PLXNA4: variants seen among roughly 807,000 people sequenced by gnomAD.
PLXNA4 encodes the protein plexin-A4.
A neutral mutation model predicts 191.8 loss-of-function variants in PLXNA4; 44 were observed. The observed-to-expected ratio is 0.23, with a 90% CI of 0.18 to 0.29. The LOEUF (loss-of-function observed/expected upper bound fraction) is 0.29, where lower values mean the gene tolerates loss of function less well. Among genes scored for constraint, PLXNA4 ranks in the 10% least tolerant of loss-of-function variants. The pLI is 1.00. For missense variants in PLXNA4, 1,800 were observed against 2,488.8 expected, an observed-to-expected ratio of 0.72 and a Z score of 5.89; for synonymous variants, 1,082 against 1,009.5, an observed-to-expected ratio of 1.07 and a Z score of -1.36.
chr7:132,548,248 C>T (rs780834201), intron 1 of PLXNA4, among the ~76,000 whole-genome samples: 2 of 152,164 alleles, frequency 1.3e-5, no homozygotes, highest in African/African-American at 4.8e-5. Flanking sequence ...CTAGACTCCC[C>T]TAGCCCTCAT....
At chr7:132,219,383 C>T (rs1465328785) in intron 9 of PLXNA4, among the ~76,000 whole-genome samples, 4 of 152,208 alleles carry the variant, frequency 2.6e-5, no homozygotes, top group Admixed American at 6.5e-5. Flanking sequence ...GGCTTTCCAG[C>T]TGCTTTCTAC....
At chr7:132,437,594 G>A (rs1795525911) in intron 3 of PLXNA4, among the ~76,000 whole-genome samples, 1 of 148,348 alleles carries the variant, frequency 6.7e-6, no homozygotes, top group Admixed American at 6.7e-5. Flanking sequence ...AACAGAAAAA[G>A]CCACCAGCCC....
intron 14 of PLXNA4, among the ~76,000 whole-genome samples, chr7:132,191,729 C>G (rs1369276546): frequency 6.7e-6 from 1 of 148,288 alleles, no homozygotes; most frequent in Non-Finnish European, 1.5e-5. Context: ...ATTTCTTGCC[C>G]AATTTTAGCA....
At chr7:132,141,369 A>G (rs1157509930) in intron 29 of PLXNA4, among the ~76,000 whole-genome samples, 1 of 152,208 alleles carries the variant, frequency 6.6e-6, no homozygotes, top group East Asian at 1.9e-4. Context: ...TTCATTTCTA[A>G]GCTGGCACGC....
chr7:132,302,939 C>T (rs1323419968), intron 3 of PLXNA4, among the ~76,000 whole-genome samples: 5 of 152,202 alleles, frequency 3.3e-5, no homozygotes, highest in Admixed American at 1.3e-4. Context: ...TGCAATGGCA[C>T]GATCTCAGCT....
At chr7:132,352,936 A>G (rs1178307372) in intron 3 of PLXNA4, among the ~76,000 whole-genome samples, 1 of 152,198 alleles carries the variant, frequency 6.6e-6, no homozygotes, top group Non-Finnish European at 1.5e-5. Context: ...ATCTTGGTAC[A>G]GAGACAAGTA....
chr7:132,312,839 C>G (rs552294535), intron 3 of PLXNA4, among the ~76,000 whole-genome samples: 168 of 152,236 alleles, frequency 1.1e-3, no homozygotes, highest in African/African-American at 3.6e-3. Flanking sequence ...AGCACACTGC[C>G]CAGCACATAA....
At chr7:132,271,140 C>G (rs1386771807) in intron 4 of PLXNA4, 12 of 152,108 alleles carry the variant, frequency 7.9e-5, no homozygotes, top group Admixed American at 7.2e-4. Flanking sequence ...ACGTTTGAGA[C>G]AGAAGAGCCA....
intron 1 of PLXNA4, among the ~76,000 whole-genome samples, chr7:132,544,707 A>G (rs1342748269): frequency 6.6e-6 from 1 of 152,162 alleles, no homozygotes; most frequent in Non-Finnish European, 1.5e-5. Flanking sequence ...ACCTTTAAAT[A>G]ATTATGGCTT....
At chr7:132,185,592 A>G in intron 15 of PLXNA4, 129 bp from the exon 16 acceptor site, 1 of 1,325,694 alleles carries the variant, frequency 7.5e-7, no homozygotes, top group Non-Finnish European at 1.0e-6. Flanking sequence ...GCTCTCAGAC[A>G]GAAAACTGGA....
At chr7:132,376,123 A>G (rs1804648797) in intron 3 of PLXNA4, among the ~76,000 whole-genome samples, 1 of 152,172 alleles carries the variant, frequency 6.6e-6, no homozygotes, top group African/African-American at 2.4e-5. Context: ...AAATTTTGAT[A>G]AGGTTCTTGA....
chr7:132,605,317 T>C (rs1241411889), intron 2 of PLXNA4, among the ~76,000 whole-genome samples: 2 of 152,200 alleles, frequency 1.3e-5, no homozygotes, highest in African/African-American at 4.8e-5. Flanking sequence ...TTGCTTTTGT[T>C]ATTTACTGTA....
At chr7:132,252,299 G>GTTTTTTTT (rs71178032) in intron 4 of PLXNA4, among the ~76,000 whole-genome samples, 8 of 75,342 alleles carry the variant, frequency 1.1e-4, no homozygotes, top group African/African-American at 3.9e-4. Context: ...CATTCTAAAA[G>GTTTTTTTT]TTTTTTTTTT....
At chr7:132,333,839 G>A (rs1331759456) in intron 3 of PLXNA4, among the ~76,000 whole-genome samples, 1 of 152,164 alleles carries the variant, frequency 6.6e-6, no homozygotes, top group Non-Finnish European at 1.5e-5. Context: ...TGCCAGCAAC[G>A]CTTTTGAGCG....
chr7:132,156,384 A>T (rs1383367436), intron 25 of PLXNA4, among the ~76,000 whole-genome samples: 2 of 152,174 alleles, frequency 1.3e-5, no homozygotes, highest in African/African-American at 4.8e-5. Context: ...GGCCACAGTG[A>T]TGATGACAGG....
rs760901486 is a variant in PLXNA4 at position 132,508,152 on chromosome 7, T to C, written c.542A>G (p.Asp181Gly). Reference sequence around the variant, plus strand: ...CACTGCCGTGGCAATGAACAGCTTGTCATCCAGGTTGCTGTAGGAGACGAT... The same window carrying C: ...CACTGCCGTGGCAATGAACAGCTTGCCATCCAGGTTGCTGTAGGAGACGAT... ...GVIVSYSNLD[D>G]KLFIATAVDG... Residue 181 changes from aspartate to glycine, a missense_variant, in exon 2 of 32, where the codon GAC becomes GGC. Transcript: ENST00000321063. The surrounding 1 kb of genome is among the most constrained non-coding windows in gnomAD (Gnocchi z 4.4). 1.2e-6 allele frequency: 2 copies of C among 1,614,174 alleles called. No individual in the cohort carries two copies. The highest frequency in any genetic ancestry group is 1.7e-6 in the Non-Finnish European group (2 of 1,180,038).
intron 4 of PLXNA4, among the ~76,000 whole-genome samples, chr7:132,291,930 G>C (rs1384446195): frequency 6.6e-6 from 1 of 152,196 alleles, no homozygotes; most frequent in Non-Finnish European, 1.5e-5. Flanking sequence ...GAGTGGTTGG[G>C]ATTACAGGTG....
Position 132,367,441 on chromosome 7 carries a change from GGAA to G in PLXNA4, c.1372-69222_1372-69220del, listed in dbSNP as rs1459540848. 2.0e-5 allele frequency among the ~76,000 whole-genome samples: 3 copies of G among 151,974 alleles called. No homozygotes were observed. The East Asian group carries it at 5.8e-4, about 29-fold the overall frequency. On this transcript the variant is annotated intron_variant, in intron 3 of 31. Coordinates refer to ENST00000321063, the MANE Select transcript of PLXNA4 (RefSeq NM_020911.2). ...TACACACTCGGGAGTGAGGTGGCAG[GGAA>G]GGAGGGAGATACAGAAGGAACTGCC... is the stretch of plus-strand genomic sequence containing the variant.
rs202247426 is a variant in PLXNA4 at position 132,228,500 on chromosome 7, G to A, written c.1605-31C>T. Reference sequence around the variant, plus strand: ...AAGGACATACCCTCGAGTTACTCAGGAGATGGCCGCTTGGTCCAGGGAGGG... The same window carrying A: ...AAGGACATACCCTCGAGTTACTCAGAAGATGGCCGCTTGGTCCAGGGAGGG... On this transcript the variant is annotated intron_variant, in intron 5 of 31. Transcript: ENST00000321063. 6.2e-6 allele frequency: 10 copies of A among 1,612,878 alleles called. No individual in the cohort carries two copies. The Admixed American group carries it at 1.5e-4, about 24-fold the overall frequency.
Sources: allele counts gnomAD v4.1 joint callset (sites outside exome capture counted in the v4.1 genomes callset), GRCh38; gene constraint gnomAD v4.1.1; non-coding constraint Gnocchi (gnomAD v3.1); transcripts MANE v1.5; gene names NCBI Gene and HGNC (gene_info 2026-07-23, HGNC 2026-07-21).